RUSC2: variants seen among roughly 807,000 people sequenced by gnomAD.
RUSC2 encodes AP-4 complex accessory subunit RUSC2.
In RUSC2, 34 loss-of-function variants were observed where a neutral mutation model predicts 122.2. That is an observed-to-expected ratio of 0.28 (90% CI 0.21 to 0.37). RUSC2 has a LOEUF of 0.37. RUSC2 is among the 10% of genes least tolerant of loss of function. RUSC2 has a pLI of 1.00. For missense variants in RUSC2, 1,747 were observed against 1,952.4 expected (o/e 0.89, Z 1.98); for synonymous variants, 784 against 790.0 (o/e 0.99, Z 0.13).
Position 35,548,578 on chromosome 9 carries a change from C to T in RUSC2, c.2014+43C>T, listed in dbSNP as rs1587863406. 1 of 1,537,660 alleles carries T rather than the reference C, an allele frequency of 6.5e-7. No individual in the cohort carries two copies. Among genetic ancestry groups the T allele is most frequent in the Non-Finnish European group, 8.7e-7 (1 of 1,147,050 alleles). Reference sequence around the variant, plus strand: ...TAGCAAATATGTGGCTATTCACCAGCAGGATATGCATGGCCACCTCCCTGA... The same window carrying T: ...TAGCAAATATGTGGCTATTCACCAGTAGGATATGCATGGCCACCTCCCTGA... On this transcript the variant is annotated intron_variant, in intron 2 of 11. Transcript: ENST00000361226. The surrounding 1 kb of genome is among the most constrained non-coding windows in gnomAD (Gnocchi z 4.5).
At chr9:35,513,193 G>GTT (rs1821041318) in intron 1 of RUSC2, among the ~76,000 whole-genome samples, 1 of 84,844 alleles carries the variant, frequency 1.2e-5, no homozygotes, top group Non-Finnish European at 2.3e-5. Flanking sequence ...ACTTTGTTTT[G>GTT]TTGTTGTTGT....
chr9:35,499,691 C>T (rs1279145144), intron 1 of RUSC2, among the ~76,000 whole-genome samples: 1 of 152,196 alleles, frequency 6.6e-6, no homozygotes, highest in African/African-American at 2.4e-5. Context: ...ATACTTTGTG[C>T]TTCCTTTCTT....
At chr9:35,549,913 T>TAA (rs56039345) in intron 2 of RUSC2, among the ~76,000 whole-genome samples, 8 of 151,114 alleles carry the variant, frequency 5.3e-5, no homozygotes, top group Middle Eastern at 3.4e-3. Flanking sequence ...AGGCCTTGTT[T>TAA]AAAAAAAAAG....
rs1305521727 is a variant in RUSC2 at position 35,558,560 on chromosome 9, C to G, written c.3334C>G (p.Leu1112Val). The stretch of plus-strand genomic sequence containing the variant: ...GCGCTTCAACGCCTTCATCCTCGGC[C>G]TGCTCAAGTGAGTGCACAGAGCAGC... ...TMRFNAFILG[L>V]LNIRSLEFWF... The change falls in exon 8 of 12, where the codon CTG becomes GTG. Residue 1112 changes from leucine (L) to valine (V), a missense_variant. Transcript: ENST00000361226. The surrounding 1 kb of genome is among the most constrained non-coding windows in gnomAD (Gnocchi z 4.3). 2 of 1,613,360 alleles carry G rather than the reference C, an allele frequency of 1.2e-6. No homozygotes were observed. The highest frequency in any genetic ancestry group is 3.3e-5 in the Admixed American group (2 of 60,006).
At chr9:35,532,947 A>T (rs1440296539) in intron 1 of RUSC2, among the ~76,000 whole-genome samples, 2 of 151,692 alleles carry the variant, frequency 1.3e-5, no homozygotes, top group Non-Finnish European at 2.9e-5. Context: ...CCATTTGTTA[A>T]GGAATTTTGG....
In RUSC2 at chr9:35,546,727, G is replaced by A. The variant is rs1263751531; in HGVS notation, c.206G>A (p.Ser69Asn). 6.4e-7 allele frequency: 1 copy of A among 1,572,140 alleles called. No homozygotes were observed. Among genetic ancestry groups the A allele is most frequent in the Non-Finnish European group, 8.6e-7 (1 of 1,160,086 alleles). ...LGQADSLLFS[S>N]LHSTPGGTAR... is the part of the protein sequence containing the mutation. ...CAAGCTGACTCCCTGCTATTCAGCAGCCTGCACTCTACTCCAGGAGGAACT... is the reference window on the plus strand; with the variant it reads ...CAAGCTGACTCCCTGCTATTCAGCAACCTGCACTCTACTCCAGGAGGAACT... Residue 69 changes from serine (S) to asparagine (N), a missense_variant, in exon 2 of 12, where the codon AGC becomes AAC. By Grantham distance (46) the Ser-to-Asn change is conservative (BLOSUM62 1). Coordinates refer to ENST00000361226, the MANE Select transcript of RUSC2 (RefSeq NM_014806.5). This position sits in a 1 kb window ranked among gnomAD's most constrained non-coding sequence, Gnocchi z 4.3.
intron 1 of RUSC2, among the ~76,000 whole-genome samples, chr9:35,529,361 G>T (rs1821378083): frequency 6.6e-6 from 1 of 151,524 alleles, no homozygotes; most frequent in Non-Finnish European, 1.5e-5. Context: ...CCACTTCTCA[G>T]CTCCAGCTGA....
chr9:35,534,224 G>C (rs540363135), intron 1 of RUSC2, among the ~76,000 whole-genome samples: 1 of 152,190 alleles, frequency 6.6e-6, no homozygotes, highest in East Asian at 1.9e-4. Context: ...TTAAGCATTT[G>C]TTTATATAAG....
rs1821140408 is a variant in RUSC2 at position 35,517,912 on chromosome 9, A to G, written c.-93+27740A>G. 1.3e-5 allele frequency among the ~76,000 whole-genome samples: 2 copies of G among 152,300 alleles called. 1 individual carries two copies. Among genetic ancestry groups the G allele is most frequent in the South Asian group, 4.1e-4 (2 of 4,828 alleles). ...TTTCCTACCACACACCAGAAGATGGATACAGTTAGTCCTTTTACTAGATGG... is the reference window on the plus strand; with the variant it reads ...TTTCCTACCACACACCAGAAGATGGGTACAGTTAGTCCTTTTACTAGATGG... On this transcript the variant is annotated intron_variant, in intron 1 of 11. Coordinates refer to ENST00000361226, the MANE Select transcript of RUSC2 (RefSeq NM_014806.5).
intron 1 of RUSC2, among the ~76,000 whole-genome samples, chr9:35,503,176 G>T (rs1414441671): frequency 6.6e-6 from 1 of 151,918 alleles, no homozygotes; most frequent in Non-Finnish European, 1.5e-5. Flanking sequence ...AAGTTCTTTA[G>T]TGGTGACTTC....
At position 35,548,022 on chromosome 9, in the gene RUSC2, C is replaced by A; in HGVS notation, c.1501C>A (p.Arg501Ser). The change falls in exon 2 of 12, where the codon CGC becomes AGC. Residue 501 changes from arginine (R) to serine (S), a missense_variant. Transcript: ENST00000361226. The surrounding 1 kb of genome is among the most constrained non-coding windows in gnomAD (Gnocchi z 4.5). ...TGRQRSRSYDRSLQRSPPVRL... is the reference protein window; with the variant it reads ...TGRQRSRSYDSSLQRSPPVRL... Reference sequence around the variant, plus strand: ...ACGTCAGCGCTCCCGCAGCTATGATCGCAGCCTGCAGCGCAGCCCTCCTGT... The same window carrying A: ...ACGTCAGCGCTCCCGCAGCTATGATAGCAGCCTGCAGCGCAGCCCTCCTGT... 5 of 1,613,852 alleles carry A rather than the reference C, an allele frequency of 3.1e-6. No homozygotes were observed. In the South Asian group the frequency reaches 5.5e-5, roughly 18 times the overall value.
chr9:35,528,537 C>T (rs147344467), intron 1 of RUSC2, among the ~76,000 whole-genome samples: 1,738 of 144,018 alleles, frequency 0.012, 30 homozygotes, highest in African/African-American at 0.04. Flanking sequence ...GATGGAGTTT[C>T]GCTCTGTCAC....
intron 1 of RUSC2, among the ~76,000 whole-genome samples, chr9:35,533,540 G>A (rs188460221): frequency 1.3e-5 from 2 of 152,174 alleles, no homozygotes; most frequent in East Asian, 1.9e-4. Context: ...TATATTCACA[G>A]TTGTGCAACT....
At chr9:35,527,737 T>C (rs1821348918) in intron 1 of RUSC2, among the ~76,000 whole-genome samples, 1 of 152,250 alleles carries the variant, frequency 6.6e-6, no homozygotes, top group African/African-American at 2.4e-5. Context: ...TTTTTCTTGA[T>C]CTTTAATTTT....
intron 1 of RUSC2, among the ~76,000 whole-genome samples, chr9:35,530,266 T>G (rs890660221): frequency 6.6e-6 from 1 of 152,068 alleles, no homozygotes; most frequent in Non-Finnish European, 1.5e-5. Context: ...TTCAGTAGCT[T>G]TATCAAACAT....
At chr9:35,556,921 A>C (rs528490751) in intron 5 of RUSC2, among the ~76,000 whole-genome samples, 1 of 152,172 alleles carries the variant, frequency 6.6e-6, no homozygotes, top group South Asian at 2.1e-4. Context: ...GCTGTGTATC[A>C]TGAGTGCATG....
At chr9:35,527,888 A>G (rs762545150) in intron 1 of RUSC2, among the ~76,000 whole-genome samples, 30 of 151,872 alleles carry the variant, frequency 2.0e-4, no homozygotes, top group East Asian at 7.7e-4. Flanking sequence ...TTAATGCAGA[A>G]CTCTCAGGTT....
Position 35,557,280 on chromosome 9 carries a change from A to G in RUSC2, c.2984-634A>G, listed in dbSNP as rs1360755121. 6.6e-6 allele frequency among the ~76,000 whole-genome samples: 1 copy of G among 152,192 alleles called. No homozygotes were observed. On this transcript the variant is annotated intron_variant, in intron 5 of 11. Coordinates refer to ENST00000361226, the MANE Select transcript of RUSC2 (RefSeq NM_014806.5). This position sits in a 1 kb window ranked among gnomAD's most constrained non-coding sequence, Gnocchi z 4.6. ...AGGCAGAAGGGGAGAATCAGAGCTC[A>G]GGGAGAAAGAACCCGGGCAAGAAGG... is the stretch of plus-strand genomic sequence containing the variant.
At position 35,556,060 on chromosome 9, in the gene RUSC2, G is replaced by C; in HGVS notation, c.2765G>C (p.Arg922Pro). The C allele has an allele frequency of 6.2e-7, 1 of 1,614,172 alleles. No individual in the cohort carries two copies. The highest frequency in any genetic ancestry group is 2.2e-5 in the East Asian group (1 of 44,878). Residue 922 changes from arginine (R) to proline (P), a missense_variant, in exon 4 of 12, where the codon CGG becomes CCG. Arg to Pro is a moderately radical substitution (Grantham distance 103, BLOSUM62 -2). Coordinates refer to ENST00000361226, the MANE Select transcript of RUSC2 (RefSeq NM_014806.5). The part of the protein sequence containing the change: ...GSLDRRSQEA[R>P]LARRNPIFEF... ...CTAGACCGAAGATCACAAGAAGCTC[G>C]GCTGGCCCGAAGAAACCCTATCTTT... is the stretch of plus-strand genomic sequence containing the variant.
Sources: allele counts gnomAD v4.1 joint callset (sites outside exome capture counted in the v4.1 genomes callset), GRCh38; gene constraint gnomAD v4.1.1; non-coding constraint Gnocchi (gnomAD v3.1); transcripts MANE v1.5; gene names NCBI Gene and HGNC (gene_info 2026-07-23, HGNC 2026-07-21).